Variants in LRP1B observed in about 807,000 individuals in gnomAD.
The protein encoded by LRP1B is LDL receptor related protein 1B.
LRP1B carries 217 observed loss-of-function variants against 556.6 expected under a neutral mutation model. That is an observed-to-expected ratio of 0.39 (90% CI 0.35 to 0.44). The LOEUF is 0.44. Ranked by LOEUF, LRP1B falls within the 20% of genes least tolerant of loss-of-function variation. The pLI is 1.00. For missense variants in LRP1B, 5,053 were observed against 5,620.8 expected, an observed-to-expected ratio of 0.90 and a Z score of 3.23; for synonymous variants, 2,047 against 1,865.8, an observed-to-expected ratio of 1.10 and a Z score of -2.50.
intron 2 of LRP1B, among the ~76,000 whole-genome samples, chr2:141,567,338 C>T (rs1288585378): frequency 9.2e-5 from 14 of 152,008 alleles, no homozygotes; most frequent in Non-Finnish European, 1.9e-4. Flanking sequence ...AAAACATTTA[C>T]CTAAAAATAA....
chr2:141,390,153 A>AATAT (rs1400222073), intron 3 of LRP1B, among the ~76,000 whole-genome samples: 1 of 152,190 alleles, frequency 6.6e-6, no homozygotes, highest in Non-Finnish European at 1.5e-5. Flanking sequence ...TAAATAAATA[A>AATAT]AAAGTAGATG....
At chr2:140,688,691 T>C (rs1450347804) in intron 41 of LRP1B, among the ~76,000 whole-genome samples, 1 of 152,194 alleles carries the variant, frequency 6.6e-6, no homozygotes, top group Non-Finnish European at 1.5e-5. Flanking sequence ...CAGTGAGACA[T>C]TAGCAGTTGC....
Position 141,688,222 on chromosome 2 carries a change from A to C in LRP1B, c.205+122057T>G, listed in dbSNP as rs930156914. ...TATAAATATACACACACACACACAC[A>C]CCCCTATTCTCACATGTATATTACA... On this transcript the variant is annotated intron_variant, in intron 2 of 90. Transcript: ENST00000389484. 3.8e-4 allele frequency among the ~76,000 whole-genome samples: 57 copies of C among 151,146 alleles called. 3 individuals carry two copies. Among genetic ancestry groups the C allele is most frequent in the African/African-American group, 2.2e-4 (9 of 41,148 alleles).
Position 141,810,260 on chromosome 2 carries a change from T to C in LRP1B, c.205+19A>G. The C allele has an allele frequency of 6.2e-7, 1 of 1,612,036 alleles. No individual in the cohort carries two copies. Among genetic ancestry groups the C allele is most frequent in the Non-Finnish European group, 8.5e-7 (1 of 1,178,696 alleles). The stretch of plus-strand genomic sequence containing the variant: ...ACATGTAAGGTAAATCCGAATGGCA[T>C]GAGAACCTTTCTACTCACAGGTATC... On this transcript the variant is annotated intron_variant, in intron 2 of 90. Coordinates refer to ENST00000389484, the MANE Select transcript of LRP1B (RefSeq NM_018557.3).
rs76885947 is a variant in LRP1B at position 140,693,683 on chromosome 2, T to C, written c.6799+6567A>G. ...GTTATTACTAGCTTAAGAATAGCTT[T>C]TTTAAGATCACATTACTTTTTTTGG... On this transcript the variant is annotated intron_variant, in intron 41 of 90. Coordinates refer to ENST00000389484, the MANE Select transcript of LRP1B (RefSeq NM_018557.3). Among the ~76,000 whole-genome samples the C allele has an allele frequency of 4.4e-3, 672 of 152,030 alleles. 4 individuals are homozygous for C. Among genetic ancestry groups the C allele is most frequent in the African/African-American group, 0.015 (641 of 41,470 alleles).
intron 41 of LRP1B, among the ~76,000 whole-genome samples, chr2:140,697,414 A>G (rs975019571): frequency 4.0e-5 from 6 of 151,884 alleles, no homozygotes; most frequent in Non-Finnish European, 8.8e-5. Context: ...ATATGAATAT[A>G]TATATACATA....
chr2:141,240,123 A>G (rs1190454856), intron 5 of LRP1B, among the ~76,000 whole-genome samples: 5 of 152,104 alleles, frequency 3.3e-5, no homozygotes, highest in Non-Finnish European at 7.4e-5. Flanking sequence ...ACACATTTAA[A>G]AATGAAATCA....
chr2:141,134,653 C>T (rs760081708), intron 7 of LRP1B, among the ~76,000 whole-genome samples: 6 of 150,446 alleles, frequency 4.0e-5, no homozygotes, highest in Admixed American at 1.3e-4. Flanking sequence ...TAGTACATTG[C>T]CAACAGAAAA....
At chr2:141,132,086 G>A (rs1391698707) in intron 7 of LRP1B, among the ~76,000 whole-genome samples, 2 of 151,886 alleles carry the variant, frequency 1.3e-5, no homozygotes, top group Non-Finnish European at 2.9e-5. Context: ...AACATATGAT[G>A]CCCAAACATA....
intron 1 of LRP1B, among the ~76,000 whole-genome samples, chr2:142,025,591 C>A (rs1167536195): frequency 6.6e-6 from 1 of 152,108 alleles, no homozygotes; most frequent in African/African-American, 2.4e-5. Flanking sequence ...ACAATTAACT[C>A]TGCCCAGAGG....
intron 2 of LRP1B, among the ~76,000 whole-genome samples, chr2:141,733,341 G>A (rs1693349795): frequency 6.6e-6 from 1 of 151,968 alleles, no homozygotes; most frequent in South Asian, 2.1e-4. Context: ...ACAGAGAAAT[G>A]CACCAATCCT....
chr2:140,380,182 C>T (rs1170077461), intron 67 of LRP1B, among the ~76,000 whole-genome samples: 2 of 152,120 alleles, frequency 1.3e-5, no homozygotes, highest in East Asian at 3.9e-4. Flanking sequence ...AAGTAACGTA[C>T]TTCAAATCAC....
rs773374724 is a variant in LRP1B at position 140,444,464 on chromosome 2, G to A, written c.10175-15C>T. 3.8e-6 allele frequency: 6 copies of A among 1,595,956 alleles called. No homozygotes were observed. In the South Asian group the frequency reaches 4.5e-5, roughly 12 times the overall value. On this transcript the variant is annotated splice_polypyrimidine_tract_variant and intron_variant, in intron 64 of 90. Transcript: ENST00000389484. ...GACATGTGTGTCTAGAACATAGAAG[G>A]AGAGAGAGAGAGAAAATTTGTGTCT...
rs562145304 is a variant in LRP1B, at chr2:140,285,800, C to T, written c.12968-11202G>A. Among the ~76,000 whole-genome samples, 9 of 151,040 alleles carry T rather than the reference C, an allele frequency of 6.0e-5. No individual in the cohort carries two copies. In the South Asian group the frequency reaches 1.3e-3, roughly 21 times the overall value. On this transcript the variant is annotated intron_variant, in intron 84 of 90. Coordinates refer to ENST00000389484, the MANE Select transcript of LRP1B (RefSeq NM_018557.3). Reference sequence around the variant, plus strand: ...ATTTAGAAAGACTATTTTTAAAAATCATCCTCATAAATTGTTCTGCCCTTA... The same window carrying T: ...ATTTAGAAAGACTATTTTTAAAAATTATCCTCATAAATTGTTCTGCCCTTA...
Position 140,914,513 on chromosome 2 carries a change from A to T in LRP1B, c.3320-6436T>A, listed in dbSNP as rs1694517104. Among the ~76,000 whole-genome samples the T allele has an allele frequency of 3.3e-5, 5 of 152,098 alleles. No individual in the cohort carries two copies. The South Asian group carries it at 1.0e-3, about 32-fold the overall frequency. On this transcript the variant is annotated intron_variant, in intron 21 of 90. Coordinates refer to ENST00000389484, the MANE Select transcript of LRP1B (RefSeq NM_018557.3). ...CGGGAAAAAATGGGTTGGAAGTGGG[A>T]AGTAAATGTCAGTGGCGGAAATTTT... is the stretch of plus-strand genomic sequence containing the variant.
At chr2:140,823,647 C>T (rs1275880668) in intron 31 of LRP1B, among the ~76,000 whole-genome samples, 1 of 151,686 alleles carries the variant, frequency 6.6e-6, no homozygotes, top group Non-Finnish European at 1.5e-5. Flanking sequence ...TTCAAATATC[C>T]TATGTCAAGT....
intron 2 of LRP1B, among the ~76,000 whole-genome samples, chr2:141,802,763 T>C (rs573974399): frequency 2.6e-5 from 4 of 152,204 alleles, no homozygotes; most frequent in Non-Finnish European, 5.9e-5. Flanking sequence ...CTATAAAGAA[T>C]AAAGCGTCCT....
chr2:140,861,600 A>AT lies in LRP1B; in HGVS notation c.4579+5989dup, dbSNP rs1274824951. Among the ~76,000 whole-genome samples the AT allele has an allele frequency of 4.6e-5, 7 of 152,064 alleles. No individual in the cohort carries two copies. The South Asian group carries it at 1.0e-3, about 23-fold the overall frequency. On this transcript the variant is annotated intron_variant, in intron 27 of 90. Transcript: ENST00000389484. ...AGACTAAGCTGATTGCTATGAAGGT[A>AT]TTTTTTTTGGAATTTACTGTTTGAC...
intron 11 of LRP1B, among the ~76,000 whole-genome samples, chr2:141,035,586 T>C (rs1698509326): frequency 6.7e-6 from 1 of 150,238 alleles, no homozygotes; most frequent in Admixed American, 6.6e-5. Context: ...TGTAGATAAA[T>C]AGAAATCTTT....
Sources: allele counts gnomAD v4.1 joint callset (sites outside exome capture counted in the v4.1 genomes callset), GRCh38; gene constraint gnomAD v4.1.1; transcripts MANE v1.5; gene names NCBI Gene and HGNC (gene_info 2026-07-23, HGNC 2026-07-21).